STK3: variants seen among roughly 807,000 people sequenced by gnomAD.
STK3 encodes the protein serine/threonine-protein kinase 3.
A neutral mutation model predicts 58.0 loss-of-function variants in STK3; 41 were observed. The ratio of observed to expected loss-of-function variants is 0.71; its 90% confidence interval spans 0.55 to 0.92. STK3 has a LOEUF of 0.92. Ranked by LOEUF, STK3 falls within the 40% of genes least tolerant of loss-of-function variation. The pLI is 0.00. For synonymous variants in STK3, 170 were observed against 191.0 expected, an observed-to-expected ratio of 0.89 and a Z score of 0.91; for missense variants, 479 against 602.7, an observed-to-expected ratio of 0.79 and a Z score of 2.15.
chr8:98,808,466 G>C (rs1270883501), intron 1 of STK3, among the ~76,000 whole-genome samples: 1 of 152,206 alleles, frequency 6.6e-6, no homozygotes, highest in Non-Finnish European at 1.5e-5. Context: ...TGCTAAGGAT[G>C]TCTCTTCAGT....
At chr8:98,749,891 A>G (rs995524763) in intron 3 of STK3, among the ~76,000 whole-genome samples, 1 of 152,130 alleles carries the variant, frequency 6.6e-6, no homozygotes. Context: ...GAATTAAAAT[A>G]TTAGCAATTT....
At chr8:98,894,692 G>A (rs1398190799) in intron 1 of STK3, among the ~76,000 whole-genome samples, 2 of 152,156 alleles carry the variant, frequency 1.3e-5, no homozygotes, top group Admixed American at 1.3e-4. Context: ...GCTTATAACA[G>A]TGCCCGACAT....
At chr8:98,451,816 C>A (rs1394050449), downstream of STK3, among the ~76,000 whole-genome samples, 4 of 151,618 alleles carry the variant, frequency 2.6e-5, no homozygotes, top group Non-Finnish European at 5.9e-5. Context: ...GGGTCCAGGT[C>A]CCATCATGTT....
intron 6 of STK3, among the ~76,000 whole-genome samples, chr8:98,673,030 T>C (rs1246365654): frequency 3.9e-5 from 6 of 152,178 alleles, no homozygotes; most frequent in Non-Finnish European, 8.8e-5. Context: ...GTTCCAAAAA[T>C]ATCAAAAATA....
chr8:98,898,406 TA>T (rs1325822018), intron 1 of STK3, among the ~76,000 whole-genome samples: 1 of 152,188 alleles, frequency 6.6e-6, no homozygotes, highest in Non-Finnish European at 1.5e-5. Context: ...TCTAATCAGC[TA>T]GGGCCAAAAC....
intron 8 of STK3, among the ~76,000 whole-genome samples, chr8:98,553,729 C>T (rs1811379225): frequency 6.6e-6 from 1 of 152,026 alleles, no homozygotes; most frequent in African/African-American, 2.4e-5. Flanking sequence ...TTTGGGAGGC[C>T]GAGGTGGTTG....
intron 4 of STK3, among the ~76,000 whole-genome samples, chr8:98,736,556 G>A (rs1439446785): frequency 2.0e-5 from 3 of 152,088 alleles, no homozygotes; most frequent in Admixed American, 6.5e-5. Flanking sequence ...AACTTAATTG[G>A]ACTTGCTCTT....
chr8:98,506,212 G>A (rs1389249687), intron 10 of STK3, among the ~76,000 whole-genome samples: 1 of 152,236 alleles, frequency 6.6e-6, no homozygotes, highest in Non-Finnish European at 1.5e-5. Context: ...AGCCAGGCAT[G>A]GGATATAATC....
intron 9 of STK3, among the ~76,000 whole-genome samples, chr8:98,528,138 A>C (rs1167636373): frequency 6.6e-6 from 1 of 151,980 alleles, no homozygotes; most frequent in Non-Finnish European, 1.5e-5. Context: ...GCTTCTAATC[A>C]CTTCTTGCTT....
intron 8 of STK3, among the ~76,000 whole-genome samples, chr8:98,572,876 A>AATAT (rs1296507295): frequency 3.3e-5 from 5 of 152,206 alleles, no homozygotes; most frequent in African/African-American, 1.2e-4. Flanking sequence ...AAAAGACTAT[A>AATAT]AGAGTTTTAC....
chr8:98,802,155 G>A (rs573918520), intron 1 of STK3, among the ~76,000 whole-genome samples: 3 of 152,212 alleles, frequency 2.0e-5, no homozygotes, highest in African/African-American at 7.2e-5. Flanking sequence ...CTGGACTACA[G>A]AGCAAGACCC....
intron 3 of STK3, among the ~76,000 whole-genome samples, chr8:98,878,693 C>T (rs567115172): frequency 4.4e-4 from 67 of 152,194 alleles, no homozygotes; most frequent in African/African-American, 1.5e-3. Flanking sequence ...GTGCGCTCAC[C>T]ATTGCTCCAT....
chr8:98,884,723 C>CAGATTTCTCCTTGTGATTTGATT (rs1837915735), intron 1 of STK3, among the ~76,000 whole-genome samples: 3 of 152,128 alleles, frequency 2.0e-5, no homozygotes, highest in African/African-American at 7.2e-5. Flanking sequence ...GTTGTAACTT[C>CAGATTTCTCCTTGTGATTTGATT]AGATTTCTCC....
chr8:98,360,937 A>T, the STK3 span, among the ~76,000 whole-genome samples: 1 of 152,200 alleles, frequency 6.6e-6, no homozygotes, highest in Non-Finnish European at 1.5e-5. Flanking sequence ...GGGGTGTCAG[A>T]GTGTCCCTAA....
chr8:98,707,366 T>C (rs1398653151), intron 4 of STK3, 55 bp from the exon 5 acceptor site: 20 of 1,309,570 alleles, frequency 1.5e-5, no homozygotes, highest in Non-Finnish European at 2.1e-5. Context: ...GATAAAATCT[T>C]ACGAAAGAGC....
chr8:98,714,977 G>A (rs540944624), intron 4 of STK3, among the ~76,000 whole-genome samples: 10 of 152,098 alleles, frequency 6.6e-5, no homozygotes, highest in Admixed American at 1.3e-4. Context: ...AAATAATGCC[G>A]CATATCTACA....
chr8:98,466,761 C>T (rs1306252387), intron 10 of STK3, among the ~76,000 whole-genome samples: 3 of 152,146 alleles, frequency 2.0e-5, no homozygotes, highest in Admixed American at 1.3e-4. Flanking sequence ...AGTGCCCACC[C>T]CTTTTATAGA....
Position 98,702,957 on chromosome 8 carries a change from C to T in STK3, c.684+3510G>A, listed in dbSNP as rs146231759. ...TATCAGGTTTTTTGCCTGTTATCAG[C>T]TGTGGGGTCTTCATGTCAATCACAT... On this transcript the variant is annotated intron_variant, in intron 6 of 10. Transcript: ENST00000419617. Among the ~76,000 whole-genome samples, 1,064 of 152,244 alleles carry T rather than the reference C, an allele frequency of 7.0e-3. 8 individuals carry two copies. The highest frequency in any genetic ancestry group is 0.024 in the African/African-American group (999 of 41,560).
At chr8:98,589,649 T>C (rs1023589236) in intron 7 of STK3, among the ~76,000 whole-genome samples, 1 of 152,242 alleles carries the variant, frequency 6.6e-6, no homozygotes, top group Admixed American at 6.5e-5. Flanking sequence ...CCTGGCTGCT[T>C]TGTCTACTTA....
Sources: gnomAD v4.1 joint callset for allele counts (sites outside exome capture counted in the v4.1 genomes callset) on GRCh38, gnomAD v4.1.1 for gene constraint, MANE v1.5 for transcripts, NCBI Gene and HGNC (gene_info 2026-07-23, HGNC 2026-07-21) for gene names.